Variants in SLA observed in about 807,000 individuals in gnomAD.
SLA encodes the protein Src like adaptor.
SLA carries 16 observed loss-of-function variants against 30.3 expected under a neutral mutation model. The ratio of observed to expected loss-of-function variants is 0.53; its 90% CI spans 0.36 to 0.80. SLA has a LOEUF of 0.80. SLA is among the 30% of genes least tolerant of loss of function. SLA has a pLI of 0.01. For synonymous variants in SLA, 143 were observed against 137.8 expected, an observed-to-expected ratio of 1.04 and a Z score of -0.26; for missense variants, 310 against 345.2, an observed-to-expected ratio of 0.90 and a Z score of 0.81.
chr8:133,050,171 C>A (rs1481737284), intron 4 of SLA, 183 bp from the exon 5 acceptor site: 7 of 608,882 alleles, frequency 1.1e-5, no homozygotes, highest in South Asian at 1.9e-5. Context: ...GATATGTGTC[C>A]AGTGGATAGC....
intron 3 of SLA, among the ~76,000 whole-genome samples, chr8:133,057,385 G>T (rs1168201148): frequency 6.6e-6 from 1 of 152,168 alleles, no homozygotes; most frequent in East Asian, 1.9e-4. Context: ...GAACACTTTG[G>T]GATGATTTGA....
chr8:133,054,062 G>A (rs1242903138), intron 3 of SLA, among the ~76,000 whole-genome samples: 1 of 152,176 alleles, frequency 6.6e-6, no homozygotes, highest in African/African-American at 2.4e-5. Flanking sequence ...CTGGTGCCAG[G>A]ATCCCTTCAA....
At chr8:133,048,559 C>G (rs1839884919) in intron 5 of SLA, 1 of 155,712 alleles carries the variant, frequency 6.4e-6, no homozygotes, top group Non-Finnish European at 1.4e-5. Context: ...ATGTGATCAC[C>G]TCTGTTGGAT....
At chr8:133,083,380 C>G (rs1456785909) in intron 1 of SLA, among the ~76,000 whole-genome samples, 1 of 152,194 alleles carries the variant, frequency 6.6e-6, no homozygotes, top group Non-Finnish European at 1.5e-5. Flanking sequence ...GTTATCTCAT[C>G]AATTCATCTT....
chr8:133,042,044 C>T (rs562250878), intron 7 of SLA, among the ~76,000 whole-genome samples: 3 of 152,184 alleles, frequency 2.0e-5, no homozygotes, highest in South Asian at 2.1e-4. Context: ...ACCTCAGCCT[C>T]CCAAAGTGCT....
intron 1 of SLA, among the ~76,000 whole-genome samples, chr8:133,083,909 C>T (rs958574751): frequency 3.9e-5 from 6 of 152,120 alleles, no homozygotes; most frequent in African/African-American, 9.7e-5. Context: ...CCCCCTGGCT[C>T]CCCTCTCTCT....
intron 7 of SLA, among the ~76,000 whole-genome samples, chr8:133,043,581 C>A (rs1312924191): frequency 6.6e-6 from 1 of 152,210 alleles, no homozygotes; most frequent in Non-Finnish European, 1.5e-5. Context: ...CCATATTCAC[C>A]CACCTCCCAT....
chr8:133,038,213 T>C lies in SLA; in HGVS notation c.*311A>G, dbSNP rs979585100. 98 of 375,886 alleles carry C rather than the reference T, an allele frequency of 2.6e-4. No individual in the cohort carries two copies. The highest frequency in any genetic ancestry group is 1.8e-3 in the African/African-American group (87 of 47,954). 23.3% of individuals were successfully genotyped at this position (375,886 alleles called of 1,614,324 possible). On this transcript the variant is annotated 3_prime_UTR_variant, in exon 9 of 9. Transcript: ENST00000338087. ...GGAGAGCAGTCCTGGTGCCCTTTCTTGTGAGAGTGGCTTTGTCCTTCCCAC... is the reference window on the plus strand; with the variant it reads ...GGAGAGCAGTCCTGGTGCCCTTTCTCGTGAGAGTGGCTTTGTCCTTCCCAC...
intron 3 of SLA, among the ~76,000 whole-genome samples, chr8:133,057,876 G>C (rs1398113306): frequency 6.6e-6 from 1 of 152,154 alleles, no homozygotes; most frequent in Non-Finnish European, 1.5e-5. Context: ...CAGAAAACAT[G>C]GTTGTCTAAA....
rs1564110137 is a variant in SLA, at chr8:133,045,038, TGTA to T, written c.427_429del (p.Tyr143del). On this transcript the variant is annotated inframe_deletion, in exon 7 of 9. Transcript: ENST00000338087. ...CACTGGAAGGTGAGCCTCGGGGAAA[TGTA>T]GTACCAGTTGTTGGGCAGACGGAAA... 1.9e-6 allele frequency: 3 copies of T among 1,614,044 alleles called. No individual in the cohort carries two copies. The highest frequency in any genetic ancestry group is 2.5e-6 in the Non-Finnish European group (3 of 1,180,012).
chr8:133,070,307 G>A (rs1381920846), intron 2 of SLA, among the ~76,000 whole-genome samples: 5 of 152,234 alleles, frequency 3.3e-5, no homozygotes, highest in South Asian at 2.1e-4. Flanking sequence ...GGAGCGAACC[G>A]ACTCTTTATG....
At chr8:133,085,687 TATA>T (rs1846420365) in intron 1 of SLA, among the ~76,000 whole-genome samples, 1 of 152,238 alleles carries the variant, frequency 6.6e-6, no homozygotes. Context: ...CTAGGATGCC[TATA>T]ATAATAACAA....
chr8:133,095,146 C>T lies in SLA; in HGVS notation c.-319+7407G>A. On this transcript the variant is annotated intron_variant, in intron 1 of 8. Transcript: ENST00000338087. ...GGTCAGTTGCCCCATGTCATCCAGC[C>T]AAGAAGTGGTGTCCTGCCTCCGCCA... The T allele has an allele frequency of 6.2e-7, 1 of 1,614,244 alleles. No homozygotes were observed. The highest frequency in any genetic ancestry group is 8.5e-7 in the Non-Finnish European group (1 of 1,180,036).
intron 1 of SLA, among the ~76,000 whole-genome samples, chr8:133,099,967 G>C (rs530797217): frequency 6.6e-6 from 1 of 152,218 alleles, no homozygotes; most frequent in Non-Finnish European, 1.5e-5. Context: ...TTATAAGTCA[G>C]ACCATTTTAC....
At chr8:133,084,325 A>C (rs144699419) in intron 1 of SLA, among the ~76,000 whole-genome samples, 39 of 152,200 alleles carry the variant, frequency 2.6e-4, no homozygotes, top group African/African-American at 9.2e-4. Flanking sequence ...AGAAGCAGTC[A>C]GGGTCTTTTA....
At position 133,042,678 on chromosome 8, in the gene SLA, C is replaced by CCTTTTTTTTTTTTT. The variant is rs1554706932; in HGVS notation, c.484+2305_484+2306insAAAAAAAAAAAAAG. Reference sequence around the variant, plus strand: ...GTGCACAATTCCTCTCATTCTGTGTCTTTTTTTTTTTTTTTTTTTTTTTTT... The same window carrying CCTTTTTTTTTTTTT: ...GTGCACAATTCCTCTCATTCTGTGTCCTTTTTTTTTTTTTTTTTTTTTTTTTTTTTTTTTTTTTT... On this transcript the variant is annotated intron_variant, in intron 7 of 8. Transcript: ENST00000338087. Among the ~76,000 whole-genome samples, 102 of 56,772 alleles carry CCTTTTTTTTTTTTT rather than the reference C, an allele frequency of 1.8e-3. 9 individuals are homozygous for CCTTTTTTTTTTTTT. The highest frequency in any genetic ancestry group is 6.1e-3 in the East Asian group (14 of 2,280). The allele number at this position is 56,772 out of a possible 152,430, so 37.2% of individuals were successfully genotyped here.
intron 2 of SLA, among the ~76,000 whole-genome samples, chr8:133,065,593 C>T (rs1475466537): frequency 6.6e-6 from 1 of 152,086 alleles, no homozygotes; most frequent in African/African-American, 2.4e-5. Flanking sequence ...GGAACCCCGT[C>T]TCTACTAAAA....
intron 3 of SLA, among the ~76,000 whole-genome samples, chr8:133,056,682 T>G (rs1182442278): frequency 6.6e-6 from 1 of 152,156 alleles, no homozygotes; most frequent in Non-Finnish European, 1.5e-5. Context: ...CGTGGGGCTG[T>G]GAGAATCGAG....
At chr8:133,102,338 A>G (rs1205898931) in intron 1 of SLA, 17 of 495,366 alleles carry the variant, frequency 3.4e-5, no homozygotes, top group Middle Eastern at 5.3e-4. Context: ...CTTCCCAGGG[A>G]AGTCACGGAG....
Sources: allele counts gnomAD v4.1 joint callset (sites outside exome capture counted in the v4.1 genomes callset), GRCh38; gene constraint gnomAD v4.1.1; transcripts MANE v1.5; gene names NCBI Gene and HGNC (gene_info 2026-07-23, HGNC 2026-07-21).